ANO3: variants seen among roughly 807,000 people sequenced by gnomAD.
ANO3 encodes the protein anoctamin-3.
A neutral mutation model predicts 144.8 loss-of-function variants in ANO3; 99 were observed. The ratio of observed to expected loss-of-function variants is 0.68; its 90% CI spans 0.58 to 0.81. ANO3 has a LOEUF of 0.81. Among genes scored for constraint, ANO3 ranks in the 30% least tolerant of loss-of-function variants. The pLI, the probability that ANO3 is intolerant of heterozygous loss-of-function variation, is 0.00. For missense variants in ANO3, 905 were observed against 1,202.2 expected (o/e 0.75, Z 3.66); for synonymous variants, 414 against 392.6 (o/e 1.05, Z -0.64).
intron 1 of ANO3, among the ~76,000 whole-genome samples, chr11:26,419,890 A>T (rs1348530623): frequency 1.3e-5 from 2 of 152,092 alleles, no homozygotes; most frequent in African/African-American, 4.8e-5. Context: ...AAAGGTTAGG[A>T]TGTAGAAAAT....
At chr11:26,460,999 A>T (rs1319257678) in intron 3 of ANO3, among the ~76,000 whole-genome samples, 2 of 152,124 alleles carry the variant, frequency 1.3e-5, no homozygotes, top group African/African-American at 2.4e-5. Context: ...CCAACAGCAC[A>T]TGCCATTTGC....
chr11:26,481,483 A>G (rs969460099), intron 4 of ANO3, among the ~76,000 whole-genome samples: 1 of 152,214 alleles, frequency 6.6e-6, no homozygotes. Context: ...AATTAAAAAG[A>G]TGATGAAGGG....
At chr11:26,220,619 T>C (rs1372333426) in intron 1 of ANO3, among the ~76,000 whole-genome samples, 1 of 152,220 alleles carries the variant, frequency 6.6e-6, no homozygotes, top group Admixed American at 6.5e-5. Context: ...GGCATTCTCA[T>C]TGGAGGAGAC....
chr11:26,647,753 A>G lies in ANO3; in HGVS notation c.2473A>G (p.Ile825Val), dbSNP rs76655696. The G allele has an allele frequency of 1.2e-6, 2 of 1,612,876 alleles. No individual in the cohort carries two copies. Among genetic ancestry groups the G allele is most frequent in the Non-Finnish European group, 1.7e-6 (2 of 1,179,272 alleles). Residue 825 changes from isoleucine (I) to valine (V), a missense_variant, in exon 24 of 27, where the codon ATC (isoleucine) becomes GTC (valine). This residue lies in a region of ANO3 where 597 missense variants were observed against 865.1 expected (regional missense o/e 0.69). Coordinates refer to ENST00000256737, the MANE Select transcript of ANO3 (RefSeq NM_031418.4). ...ILEGIGILAVITNAFVIAITS... is the reference protein window; with the variant it reads ...ILEGIGILAVVTNAFVIAITS... ...CGAAGGAATCGGTATATTGGCTGTG[A>G]TCACCAATGCATTTGTAATTGCTAT...
At chr11:26,251,666 G>T (rs925885578) in intron 1 of ANO3, among the ~76,000 whole-genome samples, 1 of 152,124 alleles carries the variant, frequency 6.6e-6, no homozygotes, top group Non-Finnish European at 1.5e-5. Flanking sequence ...AAGAAAAGAG[G>T]GTTAATTGAC....
rs1173397823 is a variant in ANO3 at position 26,598,375 on chromosome 11, C to T, written c.1458C>T (p.Phe486=). 6.5e-7 allele frequency: 1 copy of T among 1,541,826 alleles called. No homozygotes were observed. The highest frequency in any genetic ancestry group is 1.3e-5 in the South Asian group (1 of 77,570). Residue 486 remains phenylalanine, a synonymous_variant, in exon 15 of 27, where the codon TTC becomes TTT. Coordinates refer to ENST00000256737, the MANE Select transcript of ANO3 (RefSeq NM_031418.4). ...TTTTATATTTTATAGCCACAGTCTT[C>T]CTGGAGTTTTGGAAAAGGAGAAGGA... The part of the protein sequence containing the change: ...AIFMAIWATV[F]LEFWKRRRSI...
chr11:26,263,932 T>C (rs528374979), intron 1 of ANO3, among the ~76,000 whole-genome samples: 7 of 152,280 alleles, frequency 4.6e-5, no homozygotes, highest in African/African-American at 1.7e-4. Context: ...TATTAATTTA[T>C]GATTTCAGAA....
At chr11:26,640,882 G>A (rs2133057157) in intron 21 of ANO3, among the ~76,000 whole-genome samples, 1 of 152,232 alleles carries the variant, frequency 6.6e-6, no homozygotes, top group Non-Finnish European at 1.5e-5. Flanking sequence ...ATAGAAATAA[G>A]CAGATCGCCT....
At chr11:26,446,443 T>G (rs1858705043) in intron 3 of ANO3, among the ~76,000 whole-genome samples, 1 of 152,214 alleles carries the variant, frequency 6.6e-6, no homozygotes, top group Admixed American at 6.5e-5. Flanking sequence ...ATATTAATGC[T>G]GAGGCAGACT....
At chr11:26,299,171 G>T (rs1854160558) in intron 1 of ANO3, among the ~76,000 whole-genome samples, 1 of 152,146 alleles carries the variant, frequency 6.6e-6, no homozygotes, top group Admixed American at 6.5e-5. Flanking sequence ...AAAGAGGAAT[G>T]ACAAAGGAGG....
chr11:26,613,111 C>G (rs1446535833), intron 17 of ANO3, among the ~76,000 whole-genome samples: 1 of 152,126 alleles, frequency 6.6e-6, no homozygotes, highest in Non-Finnish European at 1.5e-5. Flanking sequence ...CACCTCTTCT[C>G]TCTCTAATAA....
chr11:26,493,683 C>T (rs768193129), intron 4 of ANO3, among the ~76,000 whole-genome samples: 13 of 152,170 alleles, frequency 8.5e-5, no homozygotes, highest in Non-Finnish European at 1.9e-4. Flanking sequence ...ATGTCACAGG[C>T]TAGTCCAGTT....
chr11:26,327,193 T>G (rs1406659955), upstream of ANO3, among the ~76,000 whole-genome samples: 1 of 152,218 alleles, frequency 6.6e-6, no homozygotes, highest in East Asian at 1.9e-4. Flanking sequence ...TCAGCTTTTA[T>G]GTGTCAATCA....
At chr11:26,237,339 A>G (rs566014759) in intron 1 of ANO3, among the ~76,000 whole-genome samples, 3 of 152,248 alleles carry the variant, frequency 2.0e-5, no homozygotes, top group Admixed American at 2.0e-4. Context: ...TTGGTAATTG[A>G]GATTTGATTA....
In ANO3 at chr11:26,418,350, C is replaced by T. The variant is rs918037523; in HGVS notation, c.47-23568C>T. Reference sequence around the variant, plus strand: ...AGAGTGTGGCTGGAAGAGACTGGAACGTATTTTTAGTTTTTTAAAATGCCA... The same window carrying T: ...AGAGTGTGGCTGGAAGAGACTGGAATGTATTTTTAGTTTTTTAAAATGCCA... On this transcript the variant is annotated intron_variant, in intron 1 of 26. Transcript: ENST00000256737. Among the ~76,000 whole-genome samples, 26 of 151,940 alleles carry T rather than the reference C, an allele frequency of 1.7e-4. 1 individual carries two copies. Among genetic ancestry groups the T allele is most frequent in the Non-Finnish European group, 2.2e-4 (15 of 67,974 alleles).
intron 1 of ANO3, among the ~76,000 whole-genome samples, chr11:26,344,947 AACTT>A (rs201187560): frequency 7.2e-6 from 1 of 138,058 alleles, no homozygotes; most frequent in African/African-American, 2.5e-5. Flanking sequence ...TGTTTTATAA[AACTT>A]ACTTTTACAT....
intron 1 of ANO3, among the ~76,000 whole-genome samples, chr11:26,368,156 A>C (rs1856145978): frequency 6.6e-6 from 1 of 152,224 alleles, no homozygotes; most frequent in Non-Finnish European, 1.5e-5. Flanking sequence ...AAATCCTGAA[A>C]TATATAAGCA....
At chr11:26,613,819 T>C (rs961962554) in intron 17 of ANO3, among the ~76,000 whole-genome samples, 2 of 152,218 alleles carry the variant, frequency 1.3e-5, no homozygotes, top group African/African-American at 4.8e-5. Context: ...GTGGTTTTGC[T>C]TGGGGCTGGG....
chr11:26,556,060 C>T (rs1200190684), intron 13 of ANO3, among the ~76,000 whole-genome samples: 1 of 152,012 alleles, frequency 6.6e-6, no homozygotes, highest in Non-Finnish European at 1.5e-5. Context: ...ATAACTGGTC[C>T]TATCATATGA....
Sources: gnomAD v4.1 joint callset for allele counts (sites outside exome capture counted in the v4.1 genomes callset) on GRCh38, gnomAD v4.1.1 for gene constraint, gnomAD v4.1.1 regional missense constraint, MANE v1.5 for transcripts, NCBI Gene and HGNC (gene_info 2026-07-23, HGNC 2026-07-21) for gene names.